The following PHKB variants were observed in gnomAD, a reference collection of about 807,000 sequenced individuals.
PHKB encodes phosphorylase b kinase regulatory subunit beta.
In PHKB, 122 loss-of-function variants were observed where a neutral mutation model predicts 152.1. The ratio of observed to expected loss-of-function variants is 0.80; its 90% CI spans 0.69 to 0.93. The LOEUF (loss-of-function observed/expected upper bound fraction) is 0.93, where lower values mean the gene tolerates loss of function less well. Ranked by LOEUF, PHKB falls within the 40% of genes least tolerant of loss-of-function variation. The probability of loss-of-function intolerance (pLI) is 0.00; values close to 1 mark genes in which losing one functional copy is unlikely to be tolerated. For synonymous variants in PHKB, 436 were observed against 464.9 expected, an observed-to-expected ratio of 0.94 and a Z score of 0.80; for missense variants, 1,304 against 1,328.4, an observed-to-expected ratio of 0.98 and a Z score of 0.29.
intron 7 of PHKB, among the ~76,000 whole-genome samples, chr16:47,563,077 T>A (rs932969712): frequency 6.6e-6 from 1 of 152,072 alleles, no homozygotes; most frequent in Non-Finnish European, 1.5e-5. Flanking sequence ...ATTCTAGTTC[T>A]TTTGCTATTT....
chr16:47,494,573 C>T (rs1044339284), intron 1 of PHKB, among the ~76,000 whole-genome samples: 1 of 152,094 alleles, frequency 6.6e-6, no homozygotes, highest in Non-Finnish European at 1.5e-5. Context: ...GTTTTGCATA[C>T]CTCACCTAGC....
chr16:47,548,149 T>G (rs1338608843), intron 7 of PHKB: 1 of 153,344 alleles, frequency 6.5e-6, no homozygotes, highest in African/African-American at 2.4e-5. Context: ...CTTTAGTGAC[T>G]GATTGTACCT....
chr16:47,689,102 G>C lies in PHKB; in HGVS notation c.2692G>C (p.Asp898His). The change falls in exon 27 of 31, where the codon GAC becomes CAC. Residue 898 changes from aspartate to histidine, a missense_variant. By Grantham distance (81) the Asp-to-His change is moderately conservative. Transcript: ENST00000323584. Reference protein sequence around the residue: ...QIRGGDKPALDLYQLSPSEVK... With the variant: ...QIRGGDKPALHLYQLSPSEVK... ...CCGTGGCGGAGACAAGCCAGCCTTG[G>C]ACTTGTATCAGCTGTCACCTAGTGA... is the stretch of plus-strand genomic sequence containing the variant. 6.2e-7 allele frequency: 1 copy of C among 1,614,022 alleles called. No homozygotes were observed. Among genetic ancestry groups the C allele is most frequent in the Non-Finnish European group, 8.5e-7 (1 of 1,179,956 alleles).
Position 47,472,054 on chromosome 16 carries a change from T to G in PHKB, c.76+10628T>G, listed in dbSNP as rs777136735. On this transcript the variant is annotated intron_variant, in intron 1 of 30. Transcript: ENST00000323584. Reference sequence around the variant, plus strand: ...CTGGGTGACAGAGAGAGACTCCGTCTCAAAAAATAAAAAGTATATGTGCGA... The same window carrying G: ...CTGGGTGACAGAGAGAGACTCCGTCGCAAAAAATAAAAAGTATATGTGCGA... Among the ~76,000 whole-genome samples the G allele has an allele frequency of 5.9e-5, 9 of 152,296 alleles. No homozygotes were observed. The Middle Eastern group carries it at 0.01, about 173-fold the overall frequency.
Position 47,580,580 on chromosome 16 carries a change from A to AT in PHKB, c.774+230dup, listed in dbSNP as rs1234562761. ...CTTTAAAAAAAAAAAAAAAAAGAAA[A>AT]TTTTTTTTGATAAAGAATTCTGATT... On this transcript the variant is annotated intron_variant, in intron 8 of 30. Transcript: ENST00000323584. Among the ~76,000 whole-genome samples, 7 of 150,920 alleles carry AT rather than the reference A, an allele frequency of 4.6e-5. No individual in the cohort carries two copies. In the South Asian group the frequency reaches 1.0e-3, roughly 23 times the overall value.
chr16:47,600,055 A>G (rs1361539652), intron 13 of PHKB, among the ~76,000 whole-genome samples: 1 of 152,230 alleles, frequency 6.6e-6, no homozygotes, highest in East Asian at 1.9e-4. Context: ...TGAAAATAAT[A>G]TAACAGTGAA....
chr16:47,682,332 G>T (rs988320049), intron 26 of PHKB, among the ~76,000 whole-genome samples: 7 of 152,118 alleles, frequency 4.6e-5, no homozygotes, highest in African/African-American at 1.7e-4. Context: ...GGGAAGTATT[G>T]TCCTGGATCA....
intron 14 of PHKB, among the ~76,000 whole-genome samples, chr16:47,630,093 G>T (rs1218782204): frequency 6.6e-6 from 1 of 152,116 alleles, no homozygotes; most frequent in South Asian, 2.1e-4. Context: ...GTTAGTGGGT[G>T]TAGCGCACCA....
chr16:47,673,140 T>TA (rs1441322944), intron 26 of PHKB, among the ~76,000 whole-genome samples: 2 of 152,018 alleles, frequency 1.3e-5, no homozygotes, highest in African/African-American at 4.8e-5. Context: ...TTTTTTTTTT[T>TA]TTTATTAAGG....
chr16:47,660,305 AT>A (rs1280847232), intron 20 of PHKB, among the ~76,000 whole-genome samples, 200 bp from the exon 21 acceptor site: 1 of 152,154 alleles, frequency 6.6e-6, no homozygotes, highest in Non-Finnish European at 1.5e-5. Context: ...AACGATGTGT[AT>A]ATTCTATTTT....
Position 47,669,370 on chromosome 16 carries a change from C to T in PHKB, c.2583C>T (p.Ile861=), listed in dbSNP as rs1389698935. The T allele has an allele frequency of 6.2e-7, 1 of 1,614,036 alleles. No homozygotes were observed. Among genetic ancestry groups the T allele is most frequent in the East Asian group, 2.2e-5 (1 of 44,894 alleles). ...TGGTCATCCATATTGGCTGGATCAT[C>T]TCCAATAACCCTGAGTTATTCAGTG... is the stretch of plus-strand genomic sequence containing the variant. ...QELVIHIGWI[I]SNNPELFSGM... is the part of the protein sequence containing the mutation. Residue 861 remains isoleucine, a synonymous_variant, in exon 26 of 31, where the codon ATC becomes ATT. Transcript: ENST00000323584.
At chr16:47,654,168 A>G (rs1346253534) in intron 20 of PHKB, among the ~76,000 whole-genome samples, 1 of 152,234 alleles carries the variant, frequency 6.6e-6, no homozygotes, top group Non-Finnish European at 1.5e-5. Flanking sequence ...CAGATATTAG[A>G]GTTATCAGAC....
At chr16:47,681,764 A>G (rs1477241846) in intron 26 of PHKB, among the ~76,000 whole-genome samples, 2 of 152,122 alleles carry the variant, frequency 1.3e-5, no homozygotes, top group Non-Finnish European at 2.9e-5. Flanking sequence ...CATTTAGCCC[A>G]TTTACATTTA....
At chr16:47,690,874 G>A (rs1197156382) in intron 27 of PHKB, among the ~76,000 whole-genome samples, 2 of 152,042 alleles carry the variant, frequency 1.3e-5, no homozygotes, top group Admixed American at 6.5e-5. Flanking sequence ...GGTGAACATC[G>A]CCAGTAATAA....
At chr16:47,661,909 C>A in intron 23 of PHKB, 109 bp downstream of exon 23, 1 of 785,268 alleles carries the variant, frequency 1.3e-6, no homozygotes, top group Non-Finnish European at 2.3e-6. Context: ...TTTCCCCTTT[C>A]ATTAAACCTT....
At chr16:47,526,533 A>G (rs1334703633) in intron 6 of PHKB, among the ~76,000 whole-genome samples, 3 of 152,084 alleles carry the variant, frequency 2.0e-5, no homozygotes, top group Admixed American at 6.6e-5. Context: ...ACCAGGCCCC[A>G]TCGTCAAGAG....
intron 6 of PHKB, among the ~76,000 whole-genome samples, chr16:47,541,904 T>G (rs903511154): frequency 6.6e-6 from 1 of 152,222 alleles, no homozygotes; most frequent in African/African-American, 2.4e-5. Flanking sequence ...TAGCCCTTTG[T>G]CAGATGGGTA....
chr16:47,492,442 C>G (rs931812169), intron 1 of PHKB, among the ~76,000 whole-genome samples: 1 of 152,202 alleles, frequency 6.6e-6, no homozygotes, highest in Non-Finnish European at 1.5e-5. Flanking sequence ...AAGAAAAAAC[C>G]AGTTTAAAAT....
At chr16:47,635,524 TG>T (rs1304593624) in intron 14 of PHKB, among the ~76,000 whole-genome samples, 1 of 152,176 alleles carries the variant, frequency 6.6e-6, no homozygotes, top group African/African-American at 2.4e-5. Context: ...GCTCATAATA[TG>T]GGGTCTTATA....
Sources: gnomAD v4.1 joint callset for allele counts (sites outside exome capture counted in the v4.1 genomes callset) on GRCh38, gnomAD v4.1.1 for gene constraint, MANE v1.5 for transcripts, NCBI Gene and HGNC (gene_info 2026-07-23, HGNC 2026-07-21) for gene names.